CAMKMT: variants seen among roughly 807,000 people sequenced by gnomAD.
CAMKMT encodes calmodulin-lysine N-methyltransferase, also known as CaM KMT.
In CAMKMT, 53 loss-of-function variants were observed where a neutral mutation model predicts 48.0. That is an observed-to-expected ratio of 1.10 (90% CI 0.89 to 1.39). The LOEUF (loss-of-function observed/expected upper bound fraction) is 1.39. Ranked by LOEUF, CAMKMT falls within the 40% of genes most tolerant of loss-of-function variation. The pLI is 0.00. For missense variants in CAMKMT, 428 were observed against 402.7 expected, an observed-to-expected ratio of 1.06 and a Z score of -0.54; for synonymous variants, 165 against 152.3, an observed-to-expected ratio of 1.08 and a Z score of -0.61.
chr2:44,421,885 T>A (rs999715832), intron 3 of CAMKMT, among the ~76,000 whole-genome samples: 1 of 152,188 alleles, frequency 6.6e-6, no homozygotes, highest in Admixed American at 6.5e-5. Context: ...TTGAATAACT[T>A]GAGTAGAAAT....
rs201197038 is a variant in CAMKMT at position 44,580,817 on chromosome 2, G to T, written c.377-123466G>T. On this transcript the variant is annotated intron_variant, in intron 3 of 10. Transcript: ENST00000378494. ...ACTTTTTGTCATGAAGCGCTTATTT[G>T]CTAGCATTGATCTGCCCCGGTCAGT... Among the ~76,000 whole-genome samples, 50 of 152,276 alleles carry T rather than the reference G, an allele frequency of 3.3e-4. No homozygotes were observed. In the East Asian group the frequency reaches 4.8e-3, roughly 15 times the overall value.
At chr2:44,493,228 G>A (rs913521896) in intron 3 of CAMKMT, among the ~76,000 whole-genome samples, 1 of 151,846 alleles carries the variant, frequency 6.6e-6, no homozygotes, top group Admixed American at 6.6e-5. Flanking sequence ...CTGGTCAACA[G>A]GAAAAAAACA....
At chr2:44,731,478 G>T (rs147591475) in intron 7 of CAMKMT, among the ~76,000 whole-genome samples, 277 of 152,284 alleles carry the variant, frequency 1.8e-3, no homozygotes, top group South Asian at 7.5e-3. Flanking sequence ...AGTTATCTGT[G>T]ATCACTGCAA....
At chr2:44,409,813 G>T (rs150070032) in intron 3 of CAMKMT, among the ~76,000 whole-genome samples, 4 of 152,222 alleles carry the variant, frequency 2.6e-5, no homozygotes, top group Middle Eastern at 3.4e-3. Flanking sequence ...ATATGATGGA[G>T]ATGTATGTAA....
intron 2 of CAMKMT, among the ~76,000 whole-genome samples, chr2:44,375,895 C>G (rs1246025379): frequency 6.6e-6 from 1 of 152,070 alleles, no homozygotes; most frequent in Non-Finnish European, 1.5e-5. Context: ...AAGTGACTCT[C>G]CTGCCTCAGC....
At chr2:44,472,635 T>G (rs1378097355) in intron 3 of CAMKMT, among the ~76,000 whole-genome samples, 1 of 152,170 alleles carries the variant, frequency 6.6e-6, no homozygotes, top group Admixed American at 6.5e-5. Flanking sequence ...AAAGTAAGAC[T>G]TGGTGCCTGT....
chr2:44,491,943 CTAA>C (rs1669529070), intron 3 of CAMKMT, among the ~76,000 whole-genome samples: 1 of 152,110 alleles, frequency 6.6e-6, no homozygotes, highest in Non-Finnish European at 1.5e-5. Flanking sequence ...TTTAGTTCTA[CTAA>C]TATTACTGAT....
intron 3 of CAMKMT, among the ~76,000 whole-genome samples, chr2:44,566,989 A>C (rs1005884291): frequency 6.6e-6 from 1 of 152,182 alleles, no homozygotes; most frequent in Non-Finnish European, 1.5e-5. Context: ...TTTGGGTGTC[A>C]TTGTATAGCC....
At chr2:44,458,634 C>G (rs1667697882) in intron 3 of CAMKMT, among the ~76,000 whole-genome samples, 1 of 152,176 alleles carries the variant, frequency 6.6e-6, no homozygotes, top group African/African-American at 2.4e-5. Flanking sequence ...AATTATTCAT[C>G]TTGTAAGGAT....
chr2:44,587,414 T>A (rs1268773827), intron 3 of CAMKMT, among the ~76,000 whole-genome samples: 1 of 152,078 alleles, frequency 6.6e-6, no homozygotes, highest in Non-Finnish European at 1.5e-5. Context: ...AAATTTTATT[T>A]AAAAAATTTT....
chr2:44,770,387 A>G (rs1486728838), intron 10 of CAMKMT, among the ~76,000 whole-genome samples: 2 of 152,254 alleles, frequency 1.3e-5, no homozygotes, highest in Non-Finnish European at 2.9e-5. Flanking sequence ...AGAGGTCAGC[A>G]TAGAATCCAA....
intron 3 of CAMKMT, among the ~76,000 whole-genome samples, chr2:44,462,416 T>C (rs1435136504): frequency 6.6e-6 from 1 of 152,152 alleles, no homozygotes; most frequent in East Asian, 1.9e-4. Context: ...ATTTTTTCAC[T>C]CAATAATGAA....
At chr2:44,372,664 A>C (rs1258558733) in intron 1 of CAMKMT, 52 bp from the exon 2 acceptor site, 1 of 1,540,070 alleles carries the variant, frequency 6.5e-7, no homozygotes, top group Non-Finnish European at 8.8e-7. Flanking sequence ...TGAACACTAA[A>C]CTTACTATAT....
At chr2:44,499,991 TTATC>T (rs376225036) in intron 3 of CAMKMT, among the ~76,000 whole-genome samples, 24 of 152,340 alleles carry the variant, frequency 1.6e-4, no homozygotes, top group African/African-American at 5.8e-4. Context: ...TACATATTTA[TTATC>T]TATCCTAGAT....
At chr2:44,524,194 C>T (rs1671281438) in intron 3 of CAMKMT, among the ~76,000 whole-genome samples, 1 of 152,110 alleles carries the variant, frequency 6.6e-6, no homozygotes, top group African/African-American at 2.4e-5. Context: ...AGTCACAAGT[C>T]TGCCTAGATT....
intron 3 of CAMKMT, among the ~76,000 whole-genome samples, chr2:44,423,254 A>G (rs1262031480): frequency 6.6e-6 from 1 of 151,984 alleles, no homozygotes; most frequent in Non-Finnish European, 1.5e-5. Flanking sequence ...ATCTCGGCTC[A>G]CTGCAACCTC....
chr2:44,706,202 G>A, intron 4 of CAMKMT, 85 bp from the exon 5 acceptor site: 3 of 1,375,532 alleles, frequency 2.2e-6, no homozygotes, highest in Non-Finnish European at 3.1e-6. Context: ...ACTGCAGATG[G>A]CAATTTGTTC....
chr2:44,476,815 A>G (rs1558644856), intron 3 of CAMKMT, among the ~76,000 whole-genome samples: 2 of 152,146 alleles, frequency 1.3e-5, no homozygotes, highest in Admixed American at 6.5e-5. Flanking sequence ...TTGTCTTTCA[A>G]TTTCCTCATC....
At chr2:44,765,402 A>G (rs1441196582) in intron 9 of CAMKMT, among the ~76,000 whole-genome samples, 1 of 152,194 alleles carries the variant, frequency 6.6e-6, no homozygotes, top group Non-Finnish European at 1.5e-5. Context: ...GGTGTGAATG[A>G]TAAACCACTC....
Sources: gnomAD v4.1 joint callset for allele counts (sites outside exome capture counted in the v4.1 genomes callset) on GRCh38, gnomAD v4.1.1 for gene constraint, MANE v1.5 for transcripts, NCBI Gene and HGNC (gene_info 2026-07-23, HGNC 2026-07-21) for gene names.